The following RPN2 variants were observed in gnomAD, a reference collection of about 807,000 sequenced individuals.
The protein encoded by RPN2 is dolichyl-diphosphooligosaccharide--protein glycosyltransferase subunit 2.
In RPN2, 29 loss-of-function variants were observed where a neutral mutation model predicts 71.4. That is an observed-to-expected ratio of 0.41 (90% CI 0.30 to 0.55). The LOEUF (loss-of-function observed/expected upper bound fraction) is 0.55. Ranked by LOEUF, RPN2 falls within the 20% of genes least tolerant of loss-of-function variation. The pLI is 0.35. For missense variants in RPN2, 726 were observed against 774.1 expected (o/e 0.94, Z 0.74); for synonymous variants, 308 against 305.0 (o/e 1.01, Z -0.10).
At chr20:37,227,952 C>T (rs1040678483) in intron 11 of RPN2, among the ~76,000 whole-genome samples, 9 of 152,166 alleles carry the variant, frequency 5.9e-5, no homozygotes, top group African/African-American at 1.9e-4. Context: ...AATTTTTCTG[C>T]CTTAAAGTTG....
chr20:37,238,331 C>T (rs1015180396), intron 16 of RPN2: 1 of 1,225,894 alleles, frequency 8.2e-7, no homozygotes, highest in Non-Finnish European at 1.2e-6. Context: ...GGGTGTTTGT[C>T]ATTTCTTTCC....
rs561678954 is a variant in RPN2, at chr20:37,193,147, C to T, written c.208-5250C>T. On this transcript the variant is annotated intron_variant, in intron 2 of 16. Coordinates refer to ENST00000237530, the MANE Select transcript of RPN2 (RefSeq NM_002951.5). ...TGTCTCAAAACAAAAACAAAACAAA[C>T]CCCAAACCCAAAACTCAAACCTCTC... Among the ~76,000 whole-genome samples, 4 of 152,160 alleles carry T rather than the reference C, an allele frequency of 2.6e-5. No individual in the cohort carries two copies. The East Asian group carries it at 5.8e-4, about 22-fold the overall frequency.
rs774453102 is a variant in RPN2, at chr20:37,228,643, A to T, written c.1393A>T (p.Thr465Ser). The T allele has an allele frequency of 2.5e-6, 4 of 1,614,050 alleles. No homozygotes were observed. Among genetic ancestry groups the T allele is most frequent in the Non-Finnish European group, 3.4e-6 (4 of 1,180,008 alleles). The change falls in exon 12 of 17, where the codon ACC (threonine) becomes TCC (serine). Residue 465 changes from threonine (T) to serine (S), a missense_variant. By Grantham distance (58) the Thr-to-Ser change is moderately conservative. Transcript: ENST00000237530. ...NKNVYKFELDTSERKIEFDSA... is the reference protein window; with the variant it reads ...NKNVYKFELDSSERKIEFDSA... ...GAACGTGTACAAGTTTGAACTGGAT[A>T]CCTCTGAAAGAAAGATTGAATTTGA...
chr20:37,205,377 A>G (rs528235119), intron 6 of RPN2, among the ~76,000 whole-genome samples: 1 of 152,258 alleles, frequency 6.6e-6, no homozygotes, highest in South Asian at 2.1e-4. Flanking sequence ...TCTATCACAC[A>G]TCCGCCAAGA....
chr20:37,213,602 A>T (rs1027489176), intron 8 of RPN2, among the ~76,000 whole-genome samples, 158 bp from the exon 9 acceptor site: 2 of 152,132 alleles, frequency 1.3e-5, no homozygotes, highest in Non-Finnish European at 2.9e-5. Context: ...TAAAAAAAAA[A>T]TAAGAAGCAC....
rs768446581 is a variant in RPN2 at position 37,228,504 on chromosome 20, A to G, written c.1300-46A>G. 7.0e-6 allele frequency: 11 copies of G among 1,572,688 alleles called. No individual in the cohort carries two copies. In the South Asian group the frequency reaches 1.1e-4, roughly 16 times the overall value. On this transcript the variant is annotated intron_variant, in intron 11 of 16. Coordinates refer to ENST00000237530, the MANE Select transcript of RPN2 (RefSeq NM_002951.5). ...TGGATTCAATGTTAGGCCCAGGGAG[A>G]ATCTTGAAATTATCAGATGAAAGAT...
At chr20:37,184,751 C>T (rs568000603) in intron 2 of RPN2, among the ~76,000 whole-genome samples, 1 of 152,290 alleles carries the variant, frequency 6.6e-6, no homozygotes, top group African/African-American at 2.4e-5. Flanking sequence ...GAGATCCCGC[C>T]ATTGCACTCC....
chr20:37,179,574 C>T (rs993337151), intron 1 of RPN2: 10 of 1,323,568 alleles, frequency 7.6e-6, no homozygotes, highest in Admixed American at 6.2e-5. Flanking sequence ...GGGTTGGTGC[C>T]TGGGGGAGGG....
chr20:37,238,525 C>A, intron 16 of RPN2: 1 of 1,061,758 alleles, frequency 9.4e-7, no homozygotes, highest in Non-Finnish European at 1.4e-6. Context: ...TGTCAGTTAT[C>A]TCTCTAGTTT....
At chr20:37,196,435 G>C (rs1286204652) in intron 2 of RPN2, among the ~76,000 whole-genome samples, 1 of 152,064 alleles carries the variant, frequency 6.6e-6, no homozygotes, top group African/African-American at 2.4e-5. Context: ...GGGTTTCACC[G>C]TGTTAGCCAG....
intron 7 of RPN2, among the ~76,000 whole-genome samples, chr20:37,208,267 TAAAAA>T (rs33943502): frequency 9.2e-5 from 13 of 141,480 alleles, no homozygotes; most frequent in Non-Finnish European, 1.2e-4. Context: ...AGACCCTGTC[TAAAAA>T]AAAAAAAAAA....
At chr20:37,219,276 G>T (rs536877463) in intron 9 of RPN2, among the ~76,000 whole-genome samples, 4 of 152,246 alleles carry the variant, frequency 2.6e-5, no homozygotes, top group African/African-American at 9.6e-5. Context: ...AGGTAATAAT[G>T]TTGAGTATCT....
chr20:37,228,495 C>T (rs905449030), intron 11 of RPN2, 55 bp from the exon 12 acceptor site: 8 of 1,545,096 alleles, frequency 5.2e-6, no homozygotes, highest in Non-Finnish European at 7.2e-6. Context: ...CAATGTTAGG[C>T]CCAGGGAGAA....
At chr20:37,206,771 C>T (rs570535278) in intron 6 of RPN2, among the ~76,000 whole-genome samples, 40 of 152,108 alleles carry the variant, frequency 2.6e-4, no homozygotes, top group African/African-American at 8.4e-4. Flanking sequence ...TGCAGTGGCG[C>T]GATCTTGGCT....
At chr20:37,197,863 G>T (rs7268743) in intron 2 of RPN2, among the ~76,000 whole-genome samples, 1,872 of 152,228 alleles carry the variant, frequency 0.012, 36 homozygotes, top group African/African-American at 0.043. Context: ...CAAAGGCCTG[G>T]GATTACAGAT....
intron 2 of RPN2, 146 bp downstream of exon 2, chr20:37,184,519 G>A (rs1056804781): frequency 3.5e-5 from 29 of 818,030 alleles, no homozygotes; most frequent in East Asian, 1.1e-4. Context: ...TTGGCCAGGC[G>A]TGGTGACTCA....
At chr20:37,185,252 C>G (rs2066982240) in intron 2 of RPN2, among the ~76,000 whole-genome samples, 1 of 150,872 alleles carries the variant, frequency 6.6e-6, no homozygotes. Context: ...CCATCCACCT[C>G]AGCTTCCCTA....
At position 37,207,424 on chromosome 20, in the gene RPN2, A is replaced by G; in HGVS notation, c.842A>G (p.Asp281Gly). The G allele has an allele frequency of 6.2e-7, 1 of 1,614,136 alleles. No homozygotes were observed. The highest frequency in any genetic ancestry group is 8.5e-7 in the Non-Finnish European group (1 of 1,180,006). ...VVVVPEGSASDTHEQAILRLQ... is the reference protein window; with the variant it reads ...VVVVPEGSASGTHEQAILRLQ... ...GTTGTGCCTGAGGGCTCTGCTTCCG[A>G]CACTCATGAACAGGCTATCTTGCGG... is the stretch of plus-strand genomic sequence containing the variant. Residue 281 changes from aspartate (D) to glycine (G), a missense_variant, in exon 7 of 17, where the codon GAC (aspartate) becomes GGC (glycine). Transcript: ENST00000237530.
chr20:37,197,660 G>T (rs2067283624), intron 2 of RPN2, among the ~76,000 whole-genome samples: 1 of 152,148 alleles, frequency 6.6e-6, no homozygotes, highest in African/African-American at 2.4e-5. Context: ...AGACTGGAGT[G>T]TAGTGGCATG....
Sources: gnomAD v4.1 joint callset for allele counts (sites outside exome capture counted in the v4.1 genomes callset) on GRCh38, gnomAD v4.1.1 for gene constraint, MANE v1.5 for transcripts, NCBI Gene and HGNC (gene_info 2026-07-23, HGNC 2026-07-21) for gene names.